The following MACROD2 variants were observed in gnomAD, a reference collection of about 807,000 sequenced individuals.
MACROD2 encodes mono-ADP ribosylhydrolase 2.
Under a neutral mutation model 70.4 loss-of-function variants are expected in MACROD2, and 36 were observed. The ratio of observed to expected loss-of-function variants is 0.51; its 90% CI spans 0.39 to 0.68. The LOEUF is 0.68. Ranked by LOEUF, MACROD2 falls within the 30% of genes least tolerant of loss-of-function variation. The pLI, the probability that MACROD2 is intolerant of heterozygous loss-of-function variation, is 0.00. For missense variants in MACROD2, 496 were observed against 538.4 expected, an observed-to-expected ratio of 0.92 and a Z score of 0.78; for synonymous variants, 172 against 178.8, an observed-to-expected ratio of 0.96 and a Z score of 0.30.
intron 7 of MACROD2, among the ~76,000 whole-genome samples, chr20:15,461,006 A>ATATATATATATATATATATATATT: frequency 4.3e-4 from 29 of 66,990 alleles, no homozygotes; most frequent in Non-Finnish European, 7.9e-4. Flanking sequence ...ATATATATAT[A>ATATATATATATATATATATATATT]TTTTTTTTTA....
intron 3 of MACROD2, among the ~76,000 whole-genome samples, chr20:14,121,409 T>C (rs1249503304): frequency 6.6e-6 from 1 of 152,170 alleles, no homozygotes; most frequent in African/African-American, 2.4e-5. Context: ...TGATTTGGGT[T>C]GCTTTGTTAC....
At chr20:15,652,658 C>T (rs994362005) in intron 8 of MACROD2, among the ~76,000 whole-genome samples, 1 of 151,944 alleles carries the variant, frequency 6.6e-6, no homozygotes, top group Non-Finnish European at 1.5e-5. Context: ...GATGTAAACT[C>T]ATAAGTGCTA....
chr20:14,550,962 AT>A (rs1568666022), intron 4 of MACROD2, among the ~76,000 whole-genome samples: 1 of 151,146 alleles, frequency 6.6e-6, no homozygotes, highest in Non-Finnish European at 1.5e-5. Flanking sequence ...TAATTGCATT[AT>A]TTTTTGAACT....
At chr20:15,501,233 A>G (rs577309329) in intron 8 of MACROD2, among the ~76,000 whole-genome samples, 2 of 152,340 alleles carry the variant, frequency 1.3e-5, no homozygotes, top group African/African-American at 4.8e-5. Flanking sequence ...ACCTGGATTA[A>G]CTGCTTTGCA....
intron 3 of MACROD2, among the ~76,000 whole-genome samples, chr20:14,213,057 G>A (rs1034771826): frequency 2.0e-5 from 3 of 151,990 alleles, no homozygotes; most frequent in South Asian, 2.1e-4. Context: ...GAACTGAACA[G>A]AATGAGTTTT....
intron 5 of MACROD2, among the ~76,000 whole-genome samples, chr20:14,722,670 A>G (rs1434738889): frequency 6.6e-6 from 1 of 152,220 alleles, no homozygotes; most frequent in East Asian, 1.9e-4. Flanking sequence ...GTATCTTCTC[A>G]TCAATCCTAA....
intron 5 of MACROD2, among the ~76,000 whole-genome samples, chr20:14,746,197 T>C (rs1216528722): frequency 1.3e-5 from 2 of 152,198 alleles, no homozygotes; most frequent in South Asian, 2.1e-4. Context: ...GCCTCCCAGC[T>C]GCTTTCAACT....
intron 6 of MACROD2, among the ~76,000 whole-genome samples, chr20:15,364,212 C>T (rs1420527722): frequency 2.6e-5 from 4 of 152,270 alleles, no homozygotes; most frequent in Middle Eastern, 3.4e-3. Context: ...AAAGATTTTC[C>T]GCCTTTCTTA....
intron 3 of MACROD2, among the ~76,000 whole-genome samples, chr20:14,234,290 G>C (rs969303937): frequency 4.6e-5 from 7 of 152,098 alleles, no homozygotes; most frequent in Non-Finnish European, 1.0e-4. Context: ...TCTATTGATT[G>C]TTCATATATC....
chr20:15,047,116 C>T (rs939933179), intron 5 of MACROD2, among the ~76,000 whole-genome samples: 1 of 152,130 alleles, frequency 6.6e-6, no homozygotes, highest in Non-Finnish European at 1.5e-5. Flanking sequence ...TAATTGATGT[C>T]TCTTATTTAC....
intron 15 of MACROD2, among the ~76,000 whole-genome samples, chr20:16,022,268 G>A (rs1049324434): frequency 6.6e-6 from 1 of 152,058 alleles, no homozygotes; most frequent in Non-Finnish European, 1.5e-5. Flanking sequence ...AGCCAGGATG[G>A]TCTCGATCTC....
chr20:15,996,687 T>C (rs1462857241), intron 15 of MACROD2, among the ~76,000 whole-genome samples: 1 of 152,140 alleles, frequency 6.6e-6, no homozygotes, highest in East Asian at 1.9e-4. Flanking sequence ...TCCTTTTCTG[T>C]TTAGAAGCTT....
chr20:14,333,839 A>G (rs936048437), intron 3 of MACROD2, among the ~76,000 whole-genome samples: 1 of 152,202 alleles, frequency 6.6e-6, no homozygotes, highest in Non-Finnish European at 1.5e-5. Flanking sequence ...AATCAACAAC[A>G]CATAAACTGA....
chr20:14,918,197 A>C (rs1302979996), intron 5 of MACROD2, among the ~76,000 whole-genome samples: 1 of 152,038 alleles, frequency 6.6e-6, no homozygotes, highest in East Asian at 1.9e-4. Flanking sequence ...GCTGGTCTCA[A>C]ACTCCTGGGT....
chr20:14,423,911 T>C (rs947211939), intron 3 of MACROD2, among the ~76,000 whole-genome samples: 1 of 151,256 alleles, frequency 6.6e-6, no homozygotes, highest in African/African-American at 2.4e-5. Context: ...TACAGGCATG[T>C]GCCACCACAC....
chr20:15,466,734 T>G (rs2046895157), intron 7 of MACROD2, among the ~76,000 whole-genome samples: 1 of 152,222 alleles, frequency 6.6e-6, no homozygotes, highest in Non-Finnish European at 1.5e-5. Flanking sequence ...TGAATTTTAT[T>G]TATTTAAACT....
At chr20:14,545,965 T>C (rs1436454127) in intron 4 of MACROD2, among the ~76,000 whole-genome samples, 3 of 152,202 alleles carry the variant, frequency 2.0e-5, no homozygotes, top group Non-Finnish European at 4.4e-5. Context: ...TGGCCGCTTG[T>C]AGTGTAAAAG....
chr20:14,337,664 G>T, intron 3 of MACROD2: 1 of 398,002 alleles, frequency 2.5e-6, no homozygotes, highest in South Asian at 1.3e-4. Context: ...AGTGGCTGAA[G>T]AAGGGGGTGA....
intron 5 of MACROD2, among the ~76,000 whole-genome samples, chr20:14,813,126 T>A (rs1390459890): frequency 6.6e-6 from 1 of 152,066 alleles, no homozygotes; most frequent in Non-Finnish European, 1.5e-5. Context: ...ATCTTGAGAC[T>A]TCTGAAATAT....
Sources: gnomAD v4.1 joint callset for allele counts (sites outside exome capture counted in the v4.1 genomes callset) on GRCh38, gnomAD v4.1.1 for gene constraint, MANE v1.5 for transcripts, NCBI Gene and HGNC (gene_info 2026-07-23, HGNC 2026-07-21) for gene names.